The following KCNMA1 variants were observed in gnomAD, a reference collection of about 807,000 sequenced individuals.
The protein encoded by KCNMA1 is potassium calcium-activated channel subfamily M alpha 1.
Under a neutral mutation model 140.0 loss-of-function variants are expected in KCNMA1, and 29 were observed. That is an observed-to-expected ratio of 0.21 (90% CI 0.15 to 0.28). KCNMA1 has a LOEUF of 0.28. Ranked by LOEUF, KCNMA1 falls within the 10% of genes least tolerant of loss-of-function variation. The pLI, the probability that KCNMA1 is intolerant of heterozygous loss-of-function variation, is 1.00. For synonymous variants in KCNMA1, 612 were observed against 611.9 expected, an observed-to-expected ratio of 1.00 and a Z score of 0.00; for missense variants, 880 against 1,602.2, an observed-to-expected ratio of 0.55 and a Z score of 7.70.
At chr10:77,514,794 C>T (rs1293639735) in intron 1 of KCNMA1, among the ~76,000 whole-genome samples, 2 of 152,220 alleles carry the variant, frequency 1.3e-5, no homozygotes, top group African/African-American at 2.4e-5. Context: ...CCTGTGGGCG[C>T]TCTGTGCTCA....
chr10:77,152,448 T>C (rs771910382), intron 5 of KCNMA1, among the ~76,000 whole-genome samples: 1 of 151,852 alleles, frequency 6.6e-6, no homozygotes, highest in Non-Finnish European at 1.5e-5. Flanking sequence ...AACAGGAAAG[T>C]GGGGAGGAGA....
intron 1 of KCNMA1, among the ~76,000 whole-genome samples, chr10:77,557,625 T>C (rs1037479034): frequency 6.6e-6 from 1 of 150,392 alleles, no homozygotes; most frequent in African/African-American, 2.5e-5. Flanking sequence ...GGTTAAGAAA[T>C]TCAGACTGCC....
chr10:77,537,631 A>G (rs2059202080), intron 1 of KCNMA1, among the ~76,000 whole-genome samples: 1 of 151,768 alleles, frequency 6.6e-6, no homozygotes, highest in Admixed American at 6.6e-5. Context: ...AATCTCACCA[A>G]CTCTCCATCT....
Position 76,885,110 on chromosome 10 carries a change from T to C in KCNMA1, c.*2156A>G. 8 of 1,510,154 alleles carry C rather than the reference T, an allele frequency of 5.3e-6. No homozygotes were observed. The highest frequency in any genetic ancestry group is 7.1e-6 in the Non-Finnish European group (8 of 1,128,414). 93.5% of individuals were successfully genotyped at this position (1,510,154 alleles called of 1,614,324 possible). A position where few individuals can be genotyped will look rare whatever the true frequency, so the allele number is the denominator to read the frequency against. On this transcript the variant is annotated 3_prime_UTR_variant, in exon 28 of 28. Coordinates refer to ENST00000286628, the MANE Select transcript of KCNMA1 (RefSeq NM_001161352.2). ...ACTTTAACTGGCACATTCTTATAGTTATAAATGTTCTGAGGGCGTAACTTT... is the reference window on the plus strand; with the variant it reads ...ACTTTAACTGGCACATTCTTATAGTCATAAATGTTCTGAGGGCGTAACTTT...
chr10:76,954,819 C>T (rs183178608), intron 20 of KCNMA1, among the ~76,000 whole-genome samples: 205 of 152,306 alleles, frequency 1.3e-3, no homozygotes, highest in Non-Finnish European at 2.7e-3. Context: ...TCCATAAAGG[C>T]CTCCCGTCTA....
At chr10:77,624,940 C>T (rs1243753161) in intron 1 of KCNMA1, among the ~76,000 whole-genome samples, 1 of 152,042 alleles carries the variant, frequency 6.6e-6, no homozygotes, top group Non-Finnish European at 1.5e-5. Flanking sequence ...ATCAGCTGCC[C>T]ACCGAGAAAA....
chr10:77,166,526 C>T (rs945260925), intron 5 of KCNMA1, among the ~76,000 whole-genome samples: 1 of 151,034 alleles, frequency 6.6e-6, no homozygotes, highest in Non-Finnish European at 1.5e-5. Context: ...AAGGGCAAGT[C>T]GCTATGGCCA....
At chr10:77,589,987 C>T (rs904926063) in intron 1 of KCNMA1, among the ~76,000 whole-genome samples, 3 of 152,106 alleles carry the variant, frequency 2.0e-5, no homozygotes, top group African/African-American at 7.2e-5. Flanking sequence ...CTGATTGGTG[C>T]GTTCACAATC....
intron 16 of KCNMA1, chr10:77,020,354 C>T (rs963275757): frequency 5.3e-5 from 8 of 152,090 alleles, no homozygotes; most frequent in Non-Finnish European, 7.4e-5. Flanking sequence ...GGGAGACCTC[C>T]GAGCAGATCA....
At chr10:77,098,822 T>C (rs889063102) in intron 9 of KCNMA1, among the ~76,000 whole-genome samples, 2 of 152,068 alleles carry the variant, frequency 1.3e-5, no homozygotes, top group South Asian at 4.1e-4. Context: ...AATTCCACAG[T>C]TGCTGAACCC....
intron 1 of KCNMA1, among the ~76,000 whole-genome samples, chr10:77,532,443 G>A (rs374080001): frequency 1.4e-3 from 219 of 152,332 alleles, no homozygotes; most frequent in African/African-American, 5.1e-3. Flanking sequence ...AAAACACAGC[G>A]ATGCCAGATG....
chr10:76,931,997 G>A lies in KCNMA1; in HGVS notation c.2902+12776C>T, dbSNP rs2059410164. Among the ~76,000 whole-genome samples the A allele has an allele frequency of 2.0e-5, 3 of 152,258 alleles. 1 individual carries two copies. In the South Asian group the frequency reaches 6.2e-4, roughly 32 times the overall value. ...GGGGATGAAATAAAATAGTAAAATT[G>A]TAATAATAATAACAAAAATAGCTAA... On this transcript the variant is annotated intron_variant, in intron 23 of 27. Transcript: ENST00000286628.
intron 20 of KCNMA1, among the ~76,000 whole-genome samples, chr10:76,959,424 T>C (rs1042706683): frequency 1.5e-4 from 23 of 152,258 alleles, no homozygotes; most frequent in Admixed American, 1.2e-3. Flanking sequence ...ACTTGCTAAG[T>C]TGTACATTGC....
chr10:77,171,517 T>G (rs1013830506), intron 5 of KCNMA1, among the ~76,000 whole-genome samples: 1 of 152,084 alleles, frequency 6.6e-6, no homozygotes, highest in Non-Finnish European at 1.5e-5. Context: ...CAACAGTGGC[T>G]GCACAAGTGA....
At chr10:77,009,727 CTT>C (rs1286843847) in intron 18 of KCNMA1, among the ~76,000 whole-genome samples, 1 of 152,136 alleles carries the variant, frequency 6.6e-6, no homozygotes, top group African/African-American at 2.4e-5. Flanking sequence ...ACACCACAAA[CTT>C]ATTCCTGCCT....
At chr10:77,223,896 T>G (rs945516497) in intron 3 of KCNMA1, among the ~76,000 whole-genome samples, 3 of 152,074 alleles carry the variant, frequency 2.0e-5, no homozygotes, top group African/African-American at 7.2e-5. Flanking sequence ...CTTCATGACT[T>G]AAAATATCCA....
At chr10:77,332,501 A>C (rs2086854002) in intron 2 of KCNMA1, among the ~76,000 whole-genome samples, 1 of 152,148 alleles carries the variant, frequency 6.6e-6, no homozygotes, top group Admixed American at 6.5e-5. Context: ...TGTCCCCTGC[A>C]TGCACAGACC....
chr10:77,385,985 A>G (rs1345287534), intron 2 of KCNMA1, among the ~76,000 whole-genome samples: 2 of 152,194 alleles, frequency 1.3e-5, no homozygotes, highest in African/African-American at 4.8e-5. Context: ...AGAAGCATCA[A>G]GGGCAAATCC....
intron 5 of KCNMA1, among the ~76,000 whole-genome samples, chr10:77,181,151 A>G (rs974391097): frequency 2.6e-5 from 4 of 152,202 alleles, no homozygotes; most frequent in African/African-American, 9.6e-5. Context: ...ACACTGGCAG[A>G]AAGTGCAGAT....
Sources: allele counts gnomAD v4.1 joint callset (sites outside exome capture counted in the v4.1 genomes callset), GRCh38; gene constraint gnomAD v4.1.1; transcripts MANE v1.5; gene names NCBI Gene and HGNC (gene_info 2026-07-23, HGNC 2026-07-21).